The following PVT1 variants were observed in gnomAD, a reference collection of about 807,000 sequenced individuals.
PVT1 encodes the protein Pvt1 oncogene.
intron 2 of PVT1, among the ~76,000 whole-genome samples, chr8:127,875,208 G>A (rs1363854240): frequency 6.6e-6 from 1 of 152,166 alleles, no homozygotes; most frequent in Non-Finnish European, 1.5e-5. Flanking sequence ...CCTCACAGCT[G>A]GGGTCTGTTC....
At position 127,966,095 on chromosome 8, in the gene PVT1, T is replaced by C. The variant is rs1180106135; in HGVS notation, n.783-23067T>C. Among the ~76,000 whole-genome samples, 3 of 152,322 alleles carry C rather than the reference T, an allele frequency of 2.0e-5. No homozygotes were observed. In the East Asian group the frequency reaches 5.8e-4, roughly 29 times the overall value. Reference sequence around the variant, plus strand: ...ATTAAATTGCATTACTTAGAGTCCCTATAAATGCTGGTGGATCAATGTAGC... The same window carrying C: ...ATTAAATTGCATTACTTAGAGTCCCCATAAATGCTGGTGGATCAATGTAGC... On this transcript the variant is annotated intron_variant and non_coding_transcript_variant, in intron 3 of 10. Coordinates refer to ENST00000651587, the Ensembl canonical transcript of PVT1.
intron 2 of PVT1, among the ~76,000 whole-genome samples, chr8:127,884,697 A>G (rs1371168838): frequency 6.6e-6 from 1 of 152,266 alleles, no homozygotes; most frequent in Non-Finnish European, 1.5e-5. Context: ...AAGGAATCTA[A>G]CAGCAAGTAA....
chr8:127,968,947 TCA>T (rs1816733726), intron 3 of PVT1, among the ~76,000 whole-genome samples: 1 of 152,120 alleles, frequency 6.6e-6, no homozygotes, highest in African/African-American at 2.4e-5. Flanking sequence ...CTCAGAGGCT[TCA>T]CAGACAGCAC....
intron 4 of PVT1, among the ~76,000 whole-genome samples, chr8:128,028,122 C>A (rs1813336127): frequency 6.6e-6 from 1 of 152,240 alleles, no homozygotes; most frequent in Non-Finnish European, 1.5e-5. Context: ...TCAGGCCAAC[C>A]AGTCCAGCCA....
Position 128,059,358 on chromosome 8 carries a change from C to G in PVT1, n.913-10802C>G, listed in dbSNP as rs377563062. 1.8e-3 allele frequency among the ~76,000 whole-genome samples: 276 copies of G among 152,250 alleles called. 2 individuals carry two copies. Among genetic ancestry groups the G allele is most frequent in the Middle Eastern group, 0.014 (4 of 294 alleles). ...GTGTTGGACACTGTTTACGTGTCCA[C>G]CAGGGGTGGTCAAACTATGCCTCAT... On this transcript the variant is annotated intron_variant and non_coding_transcript_variant, in intron 4 of 10. Transcript: ENST00000651587.
intron 2 of PVT1, among the ~76,000 whole-genome samples, chr8:127,831,050 G>GTT: frequency 9.9e-6 from 1 of 100,518 alleles, no homozygotes; most frequent in Non-Finnish European, 2.3e-5. Flanking sequence ...ATACGTGTGT[G>GTT]TGTGTGTGTG....
chr8:127,824,486 C>T (rs1486218312), intron 2 of PVT1, among the ~76,000 whole-genome samples: 1 of 152,106 alleles, frequency 6.6e-6, no homozygotes, highest in African/African-American at 2.4e-5. Flanking sequence ...ACCTTTTTAT[C>T]CAGGAGCGTG....
intron 2 of PVT1, among the ~76,000 whole-genome samples, chr8:127,873,594 G>A (rs1445171258): frequency 6.6e-6 from 1 of 152,162 alleles, no homozygotes; most frequent in Middle Eastern, 3.2e-3. Context: ...AGGTAAAAGA[G>A]CTGGGAGGGA....
At chr8:127,821,541 T>C (rs1751143784) in intron 2 of PVT1, among the ~76,000 whole-genome samples, 1 of 152,204 alleles carries the variant, frequency 6.6e-6, no homozygotes, top group South Asian at 2.1e-4. Flanking sequence ...CCGGGTGCGG[T>C]GGCTCACGCC....
At chr8:127,876,928 G>A (rs1654384964) in intron 2 of PVT1, among the ~76,000 whole-genome samples, 1 of 152,262 alleles carries the variant, frequency 6.6e-6, no homozygotes, top group African/African-American at 2.4e-5. Flanking sequence ...CGTGACTTGA[G>A]TAGAGACCTG....
chr8:128,090,939 G>A (rs983136642), intron 5 of PVT1, among the ~76,000 whole-genome samples: 2 of 152,074 alleles, frequency 1.3e-5, no homozygotes, highest in African/African-American at 4.8e-5. Context: ...GCCAGGTTTC[G>A]AGTCTAGCTC....
intron 2 of PVT1, among the ~76,000 whole-genome samples, chr8:127,841,726 C>CT (rs113903934): frequency 3.8e-4 from 56 of 148,896 alleles, no homozygotes; most frequent in African/African-American, 8.1e-4. Flanking sequence ...TACACATCTG[C>CT]TTTTTTTTTT....
At chr8:128,059,495 T>G (rs1813804469) in intron 4 of PVT1, among the ~76,000 whole-genome samples, 1 of 152,146 alleles carries the variant, frequency 6.6e-6, no homozygotes, top group South Asian at 2.1e-4. Flanking sequence ...TTTTGTGATA[T>G]ATGAAAATTA....
chr8:127,889,097 T>TTCCC (rs1434393336), intron 2 of PVT1, among the ~76,000 whole-genome samples: 1 of 140,726 alleles, frequency 7.1e-6, no homozygotes, highest in East Asian at 2.0e-4. Flanking sequence ...CCTTCCTTCC[T>TTCCC]TCCCTCCTTC....
rs1230352916 is a variant in PVT1, at chr8:128,090,692, TTGCTCATTAATGTCACCCCCCA to T, written n.1115-5816_1115-5795del. 2.0e-5 allele frequency among the ~76,000 whole-genome samples: 3 copies of T among 152,148 alleles called. No homozygotes were observed. The South Asian group carries it at 6.2e-4, about 32-fold the overall frequency. On this transcript the variant is annotated intron_variant and non_coding_transcript_variant, in intron 5 of 10. Transcript: ENST00000651587. ...TATGAAGGAACTACTGGCAGACACT[TTGCTCATTAATGTCACCCCCCA>T]TGCTCATTACCACCCTAGGACCTGG...
chr8:128,081,900 GACTCGCT>G (rs1814186043), intron 5 of PVT1, among the ~76,000 whole-genome samples: 1 of 152,140 alleles, frequency 6.6e-6, no homozygotes, highest in African/African-American at 2.4e-5. Flanking sequence ...ACCAGTCCTT[GACTCGCT>G]ACATTCAAGC....
chr8:127,921,466 A>G (rs911870323), intron 3 of PVT1, among the ~76,000 whole-genome samples: 2 of 152,210 alleles, frequency 1.3e-5, no homozygotes, highest in Non-Finnish European at 2.9e-5. Flanking sequence ...GAAGGCCTCG[A>G]CATTAGATTC....
intron 3 of PVT1, among the ~76,000 whole-genome samples, chr8:127,940,674 C>G (rs1209050112): frequency 6.6e-6 from 1 of 151,950 alleles, no homozygotes; most frequent in Non-Finnish European, 1.5e-5. Context: ...TGATCCTGGC[C>G]CACTGAACCT....
chr8:127,972,935 C>T (rs918574069), intron 3 of PVT1, among the ~76,000 whole-genome samples: 1 of 152,156 alleles, frequency 6.6e-6, no homozygotes, highest in African/African-American at 2.4e-5. Flanking sequence ...GAGAGAGTCT[C>T]ATTCTGTCAC....
Sources: allele counts gnomAD v4.1 joint callset (sites outside exome capture counted in the v4.1 genomes callset), GRCh38; gene constraint gnomAD v4.1.1; transcripts MANE v1.5; gene names NCBI Gene and HGNC (gene_info 2026-07-23, HGNC 2026-07-21).